Variants in SYNPR observed in about 807,000 individuals in gnomAD.
SYNPR encodes the protein synaptoporin.
SYNPR carries 23 observed loss-of-function variants against 32.9 expected under a neutral mutation model. The observed-to-expected ratio is 0.70, with a 90% confidence interval of 0.50 to 0.99. The LOEUF is 0.99. Among genes scored for constraint, SYNPR ranks in the 50% least tolerant of loss-of-function variants. The probability of loss-of-function intolerance (pLI) is 0.00; values close to 1 mark genes in which losing one functional copy is unlikely to be tolerated. For synonymous variants in SYNPR, 146 were observed against 135.9 expected, an observed-to-expected ratio of 1.07 and a Z score of -0.52; for missense variants, 318 against 349.3, an observed-to-expected ratio of 0.91 and a Z score of 0.71.
intron 4 of SYNPR, among the ~76,000 whole-genome samples, chr3:63,587,851 T>C (rs1449123936): frequency 6.6e-6 from 1 of 152,004 alleles, no homozygotes; most frequent in East Asian, 1.9e-4. Context: ...CCTCAGGGGA[T>C]CCTCCCGTCT....
In SYNPR at chr3:63,444,992, T is replaced by C. The variant is rs151273949; in HGVS notation, c.85-35840T>C. ...CAAAACACAAACAAAACTTTTATCC[T>C]TGGGCTGTTGCCAATTACTGCTAAG... On this transcript the variant is annotated intron_variant, in intron 2 of 5. Transcript: ENST00000478300. Among the ~76,000 whole-genome samples the C allele has an allele frequency of 1.4e-3, 218 of 151,680 alleles. 3 individuals carry two copies. In the East Asian group the frequency reaches 0.033, roughly 23 times the overall value.
intron 1 of SYNPR, among the ~76,000 whole-genome samples, chr3:63,239,743 T>C (rs1239560125): frequency 2.6e-5 from 4 of 151,614 alleles, no homozygotes; most frequent in African/African-American, 9.7e-5. Flanking sequence ...CCTCTTTTTA[T>C]TGTCAAGTGT....
intron 3 of SYNPR, among the ~76,000 whole-genome samples, chr3:63,554,386 A>G (rs887550192): frequency 1.7e-4 from 26 of 152,140 alleles, no homozygotes; most frequent in African/African-American, 6.0e-4. Context: ...TAATTTTTTT[A>G]TATGGTGAAA....
intron 2 of SYNPR, among the ~76,000 whole-genome samples, chr3:63,425,195 T>C (rs1187862965): frequency 2.0e-5 from 3 of 152,176 alleles, no homozygotes; most frequent in Admixed American, 6.5e-5. Flanking sequence ...ACTCTATCTA[T>C]AGAGTAATTC....
chr3:63,331,767 G>A (rs903996797), intron 2 of SYNPR, among the ~76,000 whole-genome samples: 14 of 152,152 alleles, frequency 9.2e-5, no homozygotes, highest in Non-Finnish European at 1.6e-4. Context: ...ACTGAGAGAG[G>A]TTCAGAAACT....
At chr3:63,346,503 G>A (rs957873786) in intron 2 of SYNPR, among the ~76,000 whole-genome samples, 4 of 151,972 alleles carry the variant, frequency 2.6e-5, no homozygotes, top group African/African-American at 9.7e-5. Context: ...ATGGAGTCTT[G>A]CTCTGTTACT....
intron 2 of SYNPR, among the ~76,000 whole-genome samples, chr3:63,321,248 GACCTTTAACTAC>G (rs2087108042): frequency 6.6e-6 from 1 of 152,000 alleles, no homozygotes; most frequent in South Asian, 2.1e-4. Context: ...GTCCATTTCT[GACCTTTAACTAC>G]AATAGCACTT....
At chr3:63,297,765 G>A (rs2086805302) in intron 2 of SYNPR, among the ~76,000 whole-genome samples, 1 of 152,106 alleles carries the variant, frequency 6.6e-6, no homozygotes, top group South Asian at 2.1e-4. Context: ...GCTGCTGATT[G>A]GCTGGAGATG....
intron 2 of SYNPR, among the ~76,000 whole-genome samples, chr3:63,279,161 G>A (rs1357894682): frequency 6.6e-6 from 1 of 152,122 alleles, no homozygotes; most frequent in Non-Finnish European, 1.5e-5. Flanking sequence ...GGGAAGACTT[G>A]GCCAAGCTCA....
At chr3:63,564,590 C>T (rs1702751211) in intron 4 of SYNPR, among the ~76,000 whole-genome samples, 1 of 152,092 alleles carries the variant, frequency 6.6e-6, no homozygotes. Context: ...TAAATGAACT[C>T]ATAATCTAAA....
chr3:63,473,411 G>A (rs1205489100), intron 2 of SYNPR, among the ~76,000 whole-genome samples: 1 of 151,370 alleles, frequency 6.6e-6, no homozygotes, highest in Admixed American at 6.6e-5. Flanking sequence ...TTGATTGATT[G>A]TATTTCTTTT....
intron 2 of SYNPR, among the ~76,000 whole-genome samples, chr3:63,402,829 CAT>C (rs1297297777): frequency 3.0e-4 from 45 of 152,314 alleles, no homozygotes; most frequent in African/African-American, 1.1e-3. Flanking sequence ...GCGCACTTGA[CAT>C]AGTCATTGCA....
chr3:63,584,209 G>C (rs971954825), intron 4 of SYNPR, among the ~76,000 whole-genome samples: 5 of 152,088 alleles, frequency 3.3e-5, no homozygotes, highest in African/African-American at 1.2e-4. Context: ...CTTCATTAGA[G>C]AGGCATTGAT....
chr3:63,433,729 A>G (rs1454522128), intron 2 of SYNPR, among the ~76,000 whole-genome samples: 1 of 152,156 alleles, frequency 6.6e-6, no homozygotes, highest in Non-Finnish European at 1.5e-5. Context: ...TAAATTAGAA[A>G]TATAAGAAGC....
chr3:63,352,221 C>T (rs950128781), intron 2 of SYNPR, among the ~76,000 whole-genome samples: 1 of 152,086 alleles, frequency 6.6e-6, no homozygotes, highest in Non-Finnish European at 1.5e-5. Context: ...TGAAGGCTTG[C>T]AAGGAGCTGT....
intron 2 of SYNPR, among the ~76,000 whole-genome samples, chr3:63,350,081 A>G (rs2087485312): frequency 6.6e-6 from 1 of 152,144 alleles, no homozygotes; most frequent in Non-Finnish European, 1.5e-5. Flanking sequence ...ATGATCTTAC[A>G]TTATACTGTC....
chr3:63,336,707 T>C (rs945422463), intron 2 of SYNPR, among the ~76,000 whole-genome samples: 15 of 151,868 alleles, frequency 9.9e-5, no homozygotes, highest in African/African-American at 3.4e-4. Flanking sequence ...GATTATTAGA[T>C]ACATCACCAA....
At chr3:63,466,025 C>T (rs938422120) in intron 2 of SYNPR, among the ~76,000 whole-genome samples, 3 of 152,046 alleles carry the variant, frequency 2.0e-5, no homozygotes, top group Admixed American at 6.6e-5. Flanking sequence ...CCCTAGTACC[C>T]ATTAGTTACT....
intron 1 of SYNPR, among the ~76,000 whole-genome samples, chr3:63,233,434 T>C (rs574884868): frequency 6.6e-6 from 1 of 152,350 alleles, no homozygotes; most frequent in Non-Finnish European, 1.5e-5. Flanking sequence ...AGGCCCTCCA[T>C]GGCCCAGACC....
Sources: gnomAD v4.1 joint callset for allele counts (sites outside exome capture counted in the v4.1 genomes callset) on GRCh38, gnomAD v4.1.1 for gene constraint, MANE v1.5 for transcripts, NCBI Gene and HGNC (gene_info 2026-07-23, HGNC 2026-07-21) for gene names.